Variants in ELAVL2 observed in about 807,000 individuals in gnomAD.
The protein encoded by ELAVL2 is ELAV-like protein 2.
Under a neutral mutation model 34.6 loss-of-function variants are expected in ELAVL2, and 4 were observed. The ratio of observed to expected loss-of-function variants is 0.12; its 90% confidence interval spans 0.06 to 0.26. The LOEUF is 0.26. Among genes scored for constraint, ELAVL2 ranks in the 10% least tolerant of loss-of-function variants. ELAVL2 has a pLI of 1.00. For synonymous variants in ELAVL2, 193 were observed against 154.8 expected (o/e 1.25, Z -1.83); for missense variants, 432 against 442.8 (o/e 0.98, Z 0.22).
At chr9:23,771,847 A>AT (rs1256161035) in intron 1 of ELAVL2, among the ~76,000 whole-genome samples, 7 of 152,206 alleles carry the variant, frequency 4.6e-5, no homozygotes, top group African/African-American at 1.7e-4. Flanking sequence ...CCTCTACAAT[A>AT]GTAAAGGTTA....
At chr9:23,737,150 G>C (rs1371907978) in intron 2 of ELAVL2, among the ~76,000 whole-genome samples, 1 of 152,200 alleles carries the variant, frequency 6.6e-6, no homozygotes, top group South Asian at 2.1e-4. Context: ...AGGGCAAGCA[G>C]AACATAGTTC....
chr9:23,776,481 AAG>A (rs1328389345), intron 1 of ELAVL2, among the ~76,000 whole-genome samples: 1 of 152,154 alleles, frequency 6.6e-6, no homozygotes, highest in Non-Finnish European at 1.5e-5. Context: ...GAATACCAAA[AAG>A]AGGAGTAAAG....
intron 1 of ELAVL2, among the ~76,000 whole-genome samples, chr9:23,773,656 T>C (rs1271255675): frequency 3.9e-5 from 6 of 152,132 alleles, no homozygotes; most frequent in Admixed American, 6.6e-5. Flanking sequence ...AGGGAGCACA[T>C]ACGCAATTAC....
chr9:23,820,685 C>T (rs2064468247), intron 1 of ELAVL2, among the ~76,000 whole-genome samples: 1 of 152,200 alleles, frequency 6.6e-6, no homozygotes, highest in Admixed American at 6.5e-5. Context: ...GGAGCACCTG[C>T]CAGTGAACCG....
intron 1 of ELAVL2, among the ~76,000 whole-genome samples, chr9:23,765,621 CTTAAAA>C (rs1246367076): frequency 2.0e-5 from 3 of 152,124 alleles, no homozygotes; most frequent in Non-Finnish European, 4.4e-5. Context: ...AATCCTGGGA[CTTAAAA>C]TTAAAAGTGA....
chr9:23,748,892 T>G (rs1006195055), intron 2 of ELAVL2, among the ~76,000 whole-genome samples: 1 of 152,144 alleles, frequency 6.6e-6, no homozygotes, highest in African/African-American at 2.4e-5. Context: ...TATCAAATGT[T>G]GTATGATTTC....
chr9:23,844,691 A>C, the ELAVL2 span, among the ~76,000 whole-genome samples: 1 of 151,902 alleles, frequency 6.6e-6, no homozygotes, highest in Admixed American at 6.6e-5. Flanking sequence ...GGTTTCATTA[A>C]CTTTATAATC....
intron 2 of ELAVL2, among the ~76,000 whole-genome samples, chr9:23,759,647 C>G (rs1007303468): frequency 6.0e-5 from 9 of 150,216 alleles, no homozygotes; most frequent in African/African-American, 2.0e-4. Context: ...ATCAAAACAT[C>G]TCACTGTACT....
intron 3 of ELAVL2, among the ~76,000 whole-genome samples, chr9:23,730,282 A>G (rs976062403): frequency 2.6e-5 from 4 of 152,188 alleles, no homozygotes; most frequent in African/African-American, 7.2e-5. Flanking sequence ...AAGATTCACA[A>G]AAGCAGCAAA....
intron 1 of ELAVL2, among the ~76,000 whole-genome samples, chr9:23,807,728 T>C (rs2062422847): frequency 1.3e-5 from 2 of 152,178 alleles, no homozygotes; most frequent in Non-Finnish European, 2.9e-5. Flanking sequence ...GATGAATTAG[T>C]GAAATTCTAA....
At chr9:23,788,500 T>C (rs1427188127) in intron 1 of ELAVL2, among the ~76,000 whole-genome samples, 1 of 152,212 alleles carries the variant, frequency 6.6e-6, no homozygotes, top group African/African-American at 2.4e-5. Flanking sequence ...AAAATTTAAT[T>C]TCTAAACTGG....
chr9:23,840,382 T>C, the ELAVL2 span, among the ~76,000 whole-genome samples: 2 of 152,046 alleles, frequency 1.3e-5, no homozygotes, highest in African/African-American at 4.8e-5. Flanking sequence ...AATTCTGAGG[T>C]GTAATCTAAG....
At chr9:23,812,922 G>T (rs1271430628) in intron 1 of ELAVL2, among the ~76,000 whole-genome samples, 1 of 152,038 alleles carries the variant, frequency 6.6e-6, no homozygotes, top group African/African-American at 2.4e-5. Context: ...GGGTTTTATG[G>T]GCATTGTTCC....
intron 2 of ELAVL2, among the ~76,000 whole-genome samples, chr9:23,755,611 T>C (rs909142651): frequency 4.6e-5 from 7 of 152,164 alleles, no homozygotes; most frequent in Non-Finnish European, 7.4e-5. Context: ...TGACACAAAT[T>C]TCATTTTATA....
intron 3 of ELAVL2, among the ~76,000 whole-genome samples, chr9:23,723,799 G>T (rs1282143134): frequency 6.6e-6 from 1 of 152,002 alleles, no homozygotes; most frequent in African/African-American, 2.4e-5. Flanking sequence ...TGTTATAAGG[G>T]TTCTGCCTCA....
At chr9:23,794,406 A>G (rs2060671368) in intron 1 of ELAVL2, among the ~76,000 whole-genome samples, 2 of 152,230 alleles carry the variant, frequency 1.3e-5, no homozygotes, top group Non-Finnish European at 2.9e-5. Flanking sequence ...ACACACGTAC[A>G]GCAGGCCTCT....
rs201547434 is a variant in ELAVL2, at chr9:23,701,515, C to T, written c.577G>A (p.Gly193Ser). The part of the protein sequence containing the change: ...IKGLNGQKPP[G>S]ATEPITVKFA... ...TTTACAGTGATTGGCTCCGTGGCAC[C>T]GGGAGGTTTCTGGCCATTTAGGCCT... The change falls in exon 5 of 7, where the codon GGT becomes AGT. Residue 193 changes from glycine to serine, a missense_variant. By Grantham distance (56) the Gly-to-Ser change is moderately conservative. Transcript: ENST00000397312. The T allele has an allele frequency of 2.5e-6, 4 of 1,613,918 alleles. No homozygotes were observed. Among genetic ancestry groups the T allele is most frequent in the African/African-American group, 1.3e-5 (1 of 74,876 alleles).
intron 1 of ELAVL2, among the ~76,000 whole-genome samples, chr9:23,778,936 A>G (rs776250057): frequency 3.9e-5 from 6 of 152,200 alleles, no homozygotes; most frequent in Non-Finnish European, 8.8e-5. Flanking sequence ...AGAATTAGGT[A>G]TATCCTGTCC....
chr9:23,817,387 C>T (rs895076005), intron 1 of ELAVL2, among the ~76,000 whole-genome samples: 6 of 152,076 alleles, frequency 3.9e-5, no homozygotes, highest in South Asian at 2.1e-4. Flanking sequence ...TTTCTTACAA[C>T]GAAAACCTGT....
Sources: allele counts gnomAD v4.1 joint callset (sites outside exome capture counted in the v4.1 genomes callset), GRCh38; gene constraint gnomAD v4.1.1; transcripts MANE v1.5; gene names NCBI Gene and HGNC (gene_info 2026-07-23, HGNC 2026-07-21).